Variants in GNG4 observed in about 807,000 individuals in gnomAD.
GNG4 encodes the protein guanine nucleotide-binding protein G(I)/G(S)/G(O) subunit gamma-4.
A neutral mutation model predicts 5.8 loss-of-function variants in GNG4; 4 were observed. The observed-to-expected ratio is 0.69, with a 90% CI of 0.34 to 1.57. The LOEUF (loss-of-function observed/expected upper bound fraction) is 1.57, where lower values mean the gene tolerates loss of function less well. Ranked by LOEUF, GNG4 falls within the 40% of genes most tolerant of loss-of-function variation. GNG4 has a pLI of 0.06. For synonymous variants in GNG4, 29 were observed against 32.9 expected (o/e 0.88, Z 0.41); for missense variants, 96 against 95.1 (o/e 1.01, Z -0.04).
intron 3 of GNG4, among the ~76,000 whole-genome samples, chr1:235,573,768 T>C (rs370314264): frequency 4.6e-5 from 7 of 151,514 alleles, no homozygotes; most frequent in South Asian, 2.1e-4. Context: ...CAGAGTGAGA[T>C]TCCATCTCAA....
chr1:235,577,822 C>T (rs1049344606), intron 3 of GNG4, among the ~76,000 whole-genome samples: 1 of 152,134 alleles, frequency 6.6e-6, no homozygotes, highest in Non-Finnish European at 1.5e-5. Context: ...TCCTCTCCTC[C>T]TTCCCCAGGG....
At chr1:235,585,415 T>A (rs72761721) in intron 2 of GNG4, among the ~76,000 whole-genome samples, 20,521 of 151,604 alleles carry the variant, frequency 0.14, 1,987 homozygotes, top group African/African-American at 0.27. Context: ...AATTAAAAAA[T>A]TTTTTTTTGC....
intron 2 of GNG4, among the ~76,000 whole-genome samples, chr1:235,590,571 G>A (rs974364642): frequency 6.6e-6 from 1 of 152,178 alleles, no homozygotes; most frequent in African/African-American, 2.4e-5. Context: ...TGGGTAAACA[G>A]GCCTGCTCCA....
At position 235,552,215 on chromosome 1, in the gene GNG4, A is replaced by AGGTCCGC. The variant is rs1361082235; in HGVS notation, c.115_121dup (p.Leu41ArgfsTer8). 1 of 1,613,986 alleles carries AGGTCCGC rather than the reference A, an allele frequency of 6.2e-7. No individual in the cohort carries two copies. Among genetic ancestry groups the AGGTCCGC allele is most frequent in the Non-Finnish European group, 8.5e-7 (1 of 1,179,856 alleles). On this transcript the variant is annotated frameshift_variant, in exon 4 of 4. Transcript: ENST00000391854. LOFTEE classifies it high-confidence loss of function. ...CACGTGAGCTTCACAGTAGGCCAGG[A>AGGTCCGC]GGTCCGCAGCTGCCTGGGAGACCTG...
At chr1:235,583,007 T>G (rs1234013034) in intron 3 of GNG4, among the ~76,000 whole-genome samples, 1 of 152,146 alleles carries the variant, frequency 6.6e-6, no homozygotes, top group Non-Finnish European at 1.5e-5. Flanking sequence ...GTTTTTTGAA[T>G]CCCAGATGCC....
chr1:235,644,379 G>A lies in GNG4; in HGVS notation c.-123+5283C>T, dbSNP rs750640856. Among the ~76,000 whole-genome samples, 53 of 152,228 alleles carry A rather than the reference G, an allele frequency of 3.5e-4. No homozygotes were observed. The highest frequency in any genetic ancestry group is 3.4e-3 in the Middle Eastern group (1 of 294). Reference sequence around the variant, plus strand: ...AATTTTCTACTCACATCCACCGAGCGACCCTCCTCGGCCACCTCCACACCC... The same window carrying A: ...AATTTTCTACTCACATCCACCGAGCAACCCTCCTCGGCCACCTCCACACCC... On this transcript the variant is annotated intron_variant, in intron 1 of 3. Coordinates refer to ENST00000391854, the MANE Select transcript of GNG4 (RefSeq NM_001098722.2). The surrounding 1 kb of genome is among the most constrained non-coding windows in gnomAD (Gnocchi z 5.9).
At chr1:235,594,783 G>A (rs1348061918) in intron 2 of GNG4, among the ~76,000 whole-genome samples, 1 of 152,214 alleles carries the variant, frequency 6.6e-6, no homozygotes, top group Non-Finnish European at 1.5e-5. Context: ...CTCCCTGCAA[G>A]CTGAGGGAGC....
At chr1:235,607,447 G>A (rs1688386749) in intron 1 of GNG4, among the ~76,000 whole-genome samples, 1 of 152,200 alleles carries the variant, frequency 6.6e-6, no homozygotes, top group South Asian at 2.1e-4. Context: ...GTTCAATGAG[G>A]TTGCTGGCCA....
chr1:235,584,787 G>C (rs975950674), intron 2 of GNG4, among the ~76,000 whole-genome samples: 3 of 152,222 alleles, frequency 2.0e-5, no homozygotes, highest in African/African-American at 7.2e-5. Context: ...AGAAACACAA[G>C]TGACACTGGC....
intron 1 of GNG4, among the ~76,000 whole-genome samples, chr1:235,628,169 A>G (rs113789673): frequency 0.046 from 7,004 of 152,224 alleles, 526 homozygotes; most frequent in African/African-American, 0.16. Context: ...AACAAGAGCG[A>G]AACTCTGTCT....
chr1:235,616,400 G>C, intron 1 of GNG4: 1 of 294,096 alleles, frequency 3.4e-6, no homozygotes, highest in Non-Finnish European at 6.7e-6. Context: ...GATTGGGTAG[G>C]GCCCTGCCAG....
intron 3 of GNG4, among the ~76,000 whole-genome samples, chr1:235,564,974 C>T (rs1257726710): frequency 1.3e-5 from 2 of 152,166 alleles, no homozygotes; most frequent in Non-Finnish European, 1.5e-5. Flanking sequence ...TGAGCCACAG[C>T]GCCCAGCCAG....
intron 3 of GNG4, among the ~76,000 whole-genome samples, chr1:235,574,681 T>C (rs1687430991): frequency 6.6e-6 from 1 of 152,218 alleles, no homozygotes; most frequent in Non-Finnish European, 1.5e-5. Context: ...ATTTTTTTGA[T>C]TATTTGTTCT....
chr1:235,620,323 C>G (rs1412102390), intron 1 of GNG4, among the ~76,000 whole-genome samples: 1 of 152,084 alleles, frequency 6.6e-6, no homozygotes, highest in Admixed American at 6.6e-5. Context: ...CGAGATCACA[C>G]CATTGCACTC....
At chr1:235,635,443 C>A (rs1365168132) in intron 1 of GNG4, among the ~76,000 whole-genome samples, 4 of 151,978 alleles carry the variant, frequency 2.6e-5, no homozygotes, top group Non-Finnish European at 5.9e-5. Context: ...TTGCAGTGAG[C>A]TGAGATCGCA....
In GNG4 at chr1:235,641,465, C is replaced by T. The variant is rs567898633; in HGVS notation, c.-123+8197G>A. ...CAGCACTTTGGGAGGCCGAGGCAGGCGGATCACCTGAGGTCAGGAGTTCTA... is the reference window on the plus strand; with the variant it reads ...CAGCACTTTGGGAGGCCGAGGCAGGTGGATCACCTGAGGTCAGGAGTTCTA... On this transcript the variant is annotated intron_variant, in intron 1 of 3. Transcript: ENST00000391854. 1.5e-4 allele frequency among the ~76,000 whole-genome samples: 23 copies of T among 151,352 alleles called. No individual in the cohort carries two copies. The East Asian group carries it at 2.9e-3, about 19-fold the overall frequency.
At chr1:235,646,669 G>A (rs1163575699) in intron 1 of GNG4, among the ~76,000 whole-genome samples, 1 of 152,148 alleles carries the variant, frequency 6.6e-6, no homozygotes, top group Non-Finnish European at 1.5e-5. Context: ...TCCCCAGTGA[G>A]CACGGCGTCT....
intron 1 of GNG4, chr1:235,616,351 C>A (rs1179046991): frequency 2.4e-6 from 1 of 423,070 alleles, no homozygotes; most frequent in East Asian, 6.2e-5. Context: ...CCAGATTCAC[C>A]GTCATGCTGG....
Position 235,595,210 on chromosome 1 carries a change from C to T in GNG4, c.-11+190G>A, listed in dbSNP as rs1688095657. On this transcript the variant is annotated intron_variant, in intron 2 of 3. Transcript: ENST00000391854. ...GAGGTGGCAAAAGGTTTCTAAGGGC[C>T]CCGTGTCTGCCGTGGAGGGTGGGAG... Among the ~76,000 whole-genome samples, 3 of 152,216 alleles carry T rather than the reference C, an allele frequency of 2.0e-5. No individual in the cohort carries two copies. In the South Asian group the frequency reaches 6.2e-4, roughly 32 times the overall value.
Sources: allele counts gnomAD v4.1 joint callset (sites outside exome capture counted in the v4.1 genomes callset), GRCh38; gene constraint gnomAD v4.1.1; non-coding constraint Gnocchi (gnomAD v3.1); transcripts MANE v1.5; gene names NCBI Gene and HGNC (gene_info 2026-07-23, HGNC 2026-07-21).